TNFRSF19: variants seen among roughly 807,000 people sequenced by gnomAD.
TNFRSF19 encodes tumor necrosis factor receptor superfamily member 19.
In TNFRSF19, 27 loss-of-function variants were observed where a neutral mutation model predicts 46.4. The ratio of observed to expected loss-of-function variants is 0.58; its 90% CI spans 0.43 to 0.80. The LOEUF (loss-of-function observed/expected upper bound fraction) is 0.80, where lower values mean the gene tolerates loss of function less well. TNFRSF19 is among the 30% of genes least tolerant of loss of function. The pLI, the probability that TNFRSF19 is intolerant of heterozygous loss-of-function variation, is 0.00. For missense variants in TNFRSF19, 511 were observed against 530.8 expected (o/e 0.96, Z 0.37); for synonymous variants, 204 against 205.0 (o/e 1.00, Z 0.04).
chr13:23,582,513 C>A (rs1878527711), intron 1 of TNFRSF19, among the ~76,000 whole-genome samples: 1 of 152,162 alleles, frequency 6.6e-6, no homozygotes. Context: ...ATAAATATTA[C>A]AATTATTACA....
At chr13:23,651,003 A>G (rs910812831) in intron 5 of TNFRSF19, among the ~76,000 whole-genome samples, 1 of 152,042 alleles carries the variant, frequency 6.6e-6, no homozygotes, top group Admixed American at 6.6e-5. Flanking sequence ...TGGAATTTGT[A>G]TGTTGAGTGT....
intron 3 of TNFRSF19, among the ~76,000 whole-genome samples, chr13:23,613,530 C>T (rs1280906028): frequency 6.6e-6 from 1 of 152,180 alleles, no homozygotes; most frequent in African/African-American, 2.4e-5. Context: ...TTTCTCTTTC[C>T]CTTGTACTTC....
chr13:23,657,579 C>T (rs547067194), intron 5 of TNFRSF19, among the ~76,000 whole-genome samples: 24 of 152,050 alleles, frequency 1.6e-4, no homozygotes, highest in African/African-American at 2.4e-4. Flanking sequence ...AAATAGAGAA[C>T]GCAAAATATG....
rs374126499 is a variant in TNFRSF19, at chr13:23,635,713, C to T, written c.445+8921C>T. ...ATTTTAATTGCTTCATTTATTATTT[C>T]GATTATCTCAGAGAAAATATTTTAA... On this transcript the variant is annotated intron_variant, in intron 5 of 9. Transcript: ENST00000248484. 5.3e-5 allele frequency among the ~76,000 whole-genome samples: 8 copies of T among 152,032 alleles called. No individual in the cohort carries two copies. In the East Asian group the frequency reaches 1.2e-3, roughly 22 times the overall value.
chr13:23,635,625 C>T (rs530466790), intron 5 of TNFRSF19, among the ~76,000 whole-genome samples: 71 of 152,172 alleles, frequency 4.7e-4, no homozygotes, highest in African/African-American at 1.3e-3. Flanking sequence ...GTGATCTGCC[C>T]GCCTTGGCCT....
intron 5 of TNFRSF19, among the ~76,000 whole-genome samples, chr13:23,642,929 C>A (rs1883111579): frequency 6.6e-6 from 1 of 152,228 alleles, no homozygotes. Context: ...TGAAAATTTA[C>A]CACATCGATT....
In TNFRSF19 at chr13:23,674,827, T is replaced by G. The variant is rs1456166197; in HGVS notation, c.*1447T>G. On this transcript the variant is annotated 3_prime_UTR_variant, in exon 10 of 10. Transcript: ENST00000248484. ...CTGTCTTTCCTAGTATGTTTTTATCTTCTCATGTATTATCCATGGTTTTCT... is the reference window on the plus strand; with the variant it reads ...CTGTCTTTCCTAGTATGTTTTTATCGTCTCATGTATTATCCATGGTTTTCT... The G allele has an allele frequency of 6.6e-6, 1 of 152,258 alleles. No homozygotes were observed. 9.4% of individuals were successfully genotyped at this position (152,258 alleles called of 1,614,324 possible).
intron 1 of TNFRSF19, among the ~76,000 whole-genome samples, chr13:23,577,567 C>T (rs1432169732): frequency 6.6e-6 from 1 of 152,134 alleles, no homozygotes; most frequent in Non-Finnish European, 1.5e-5. Flanking sequence ...GCTAAATTGC[C>T]ACAAACCTTG....
intron 9 of TNFRSF19, among the ~76,000 whole-genome samples, chr13:23,670,616 CCTAG>C (rs1338194319): frequency 1.3e-5 from 2 of 152,198 alleles, no homozygotes; most frequent in African/African-American, 4.8e-5. Flanking sequence ...TAAGAATTAA[CCTAG>C]CTGAGTGTAA....
chr13:23,644,049 T>C lies in TNFRSF19; in HGVS notation c.446-15001T>C, dbSNP rs111802931. Among the ~76,000 whole-genome samples the C allele has an allele frequency of 3.1e-3, 477 of 152,296 alleles. 2 individuals are homozygous for C. The highest frequency in any genetic ancestry group is 0.011 in the African/African-American group (464 of 41,570). On this transcript the variant is annotated intron_variant, in intron 5 of 9. Coordinates refer to ENST00000248484, the MANE Select transcript of TNFRSF19 (RefSeq NM_148957.4). ...AAACAGAGACAGCTTGAGGCCACCA[T>C]AGGGTTCTGCCTTGATTCACTTACA...
intron 4 of TNFRSF19, among the ~76,000 whole-genome samples, chr13:23,625,151 T>G (rs1455363588): frequency 6.6e-6 from 1 of 152,198 alleles, no homozygotes; most frequent in Non-Finnish European, 1.5e-5. Flanking sequence ...TCCTTTGTTT[T>G]CACTTAATGA....
intron 3 of TNFRSF19, chr13:23,594,378 G>A (rs769891347): frequency 1.7e-5 from 7 of 414,104 alleles, no homozygotes; most frequent in Non-Finnish European, 3.4e-5. Flanking sequence ...TGCCAGCACA[G>A]CAGTGTGAAG....
intron 1 of TNFRSF19, among the ~76,000 whole-genome samples, chr13:23,589,664 A>T (rs561676824): frequency 6.6e-6 from 1 of 152,346 alleles, no homozygotes; most frequent in Admixed American, 6.5e-5. Flanking sequence ...TAAAATGGGA[A>T]TAATGATAGG....
At chr13:23,626,084 G>A (rs1264615924) in intron 4 of TNFRSF19, among the ~76,000 whole-genome samples, 1 of 152,034 alleles carries the variant, frequency 6.6e-6, no homozygotes, top group African/African-American at 2.4e-5. Context: ...TGAAGGTATA[G>A]ACAGTACCAT....
In TNFRSF19 at chr13:23,666,334, A is replaced by G. The variant is rs539994848; in HGVS notation, c.737-1646A>G. Among the ~76,000 whole-genome samples, 7 of 152,362 alleles carry G rather than the reference A, an allele frequency of 4.6e-5. No individual in the cohort carries two copies. The South Asian group carries it at 1.2e-3, about 27-fold the overall frequency. ...GGAATCAGTCATTACTATGATGGTT[A>G]ACAAATGCTGGCTTTCTAATTCCGT... On this transcript the variant is annotated intron_variant, in intron 7 of 9. Coordinates refer to ENST00000248484, the MANE Select transcript of TNFRSF19 (RefSeq NM_148957.4).
At chr13:23,608,804 G>T (rs1880690134) in intron 3 of TNFRSF19, among the ~76,000 whole-genome samples, 1 of 152,212 alleles carries the variant, frequency 6.6e-6, no homozygotes, top group African/African-American at 2.4e-5. Context: ...CATGGGACCA[G>T]CCTGTAAAAC....
At chr13:23,657,599 A>AT (rs1172542181) in intron 5 of TNFRSF19, among the ~76,000 whole-genome samples, 1 of 152,190 alleles carries the variant, frequency 6.6e-6, no homozygotes, top group African/African-American at 2.4e-5. Flanking sequence ...GTCATAAATA[A>AT]TTTTTATATT....
chr13:23,587,054 C>T (rs759433387), intron 1 of TNFRSF19, among the ~76,000 whole-genome samples: 23 of 151,982 alleles, frequency 1.5e-4, no homozygotes, highest in Non-Finnish European at 3.2e-4. Context: ...AGCATCCAGA[C>T]CCATGGTACA....
intron 3 of TNFRSF19, among the ~76,000 whole-genome samples, chr13:23,593,969 G>C (rs1372582037): frequency 6.6e-6 from 1 of 152,184 alleles, no homozygotes; most frequent in Non-Finnish European, 1.5e-5. Flanking sequence ...AAGCAGGATG[G>C]GGTGTCACTT....
Sources: gnomAD v4.1 joint callset for allele counts (sites outside exome capture counted in the v4.1 genomes callset) on GRCh38, gnomAD v4.1.1 for gene constraint, MANE v1.5 for transcripts, NCBI Gene and HGNC (gene_info 2026-07-23, HGNC 2026-07-21) for gene names.